Variants in EPB41L4A observed in about 807,000 individuals in gnomAD.
EPB41L4A encodes the protein erythrocyte membrane protein band 4.1 like 4A.
EPB41L4A carries 100 observed loss-of-function variants against 108.6 expected under a neutral mutation model. The ratio of observed to expected loss-of-function variants is 0.92; its 90% CI spans 0.78 to 1.09. The LOEUF is 1.09. Among genes scored for constraint, EPB41L4A ranks in the 50% least tolerant of loss-of-function variants. EPB41L4A has a pLI of 0.00. For synonymous variants in EPB41L4A, 319 were observed against 289.0 expected (o/e 1.10, Z -1.05); for missense variants, 1,030 against 842.7 (o/e 1.22, Z -2.75).
chr5:112,376,626 A>C (rs190100218), intron 1 of EPB41L4A, among the ~76,000 whole-genome samples: 1 of 152,318 alleles, frequency 6.6e-6, no homozygotes, highest in East Asian at 1.9e-4. Flanking sequence ...ATGATAAACA[A>C]CCCACACATC....
At chr5:112,147,137 G>A (rs1451847950) in intron 12 of EPB41L4A, among the ~76,000 whole-genome samples, 1 of 151,054 alleles carries the variant, frequency 6.6e-6, no homozygotes, top group Non-Finnish European at 1.5e-5. Flanking sequence ...TTTTCTACAT[G>A]TAGTAACATC....
chr5:112,403,512 C>G (rs1437659644), intron 1 of EPB41L4A, among the ~76,000 whole-genome samples: 2 of 152,180 alleles, frequency 1.3e-5, no homozygotes, highest in East Asian at 3.8e-4. Flanking sequence ...GGGTCTCACT[C>G]TGTCACCCAG....
chr5:112,210,181 A>C (rs1762667713), intron 12 of EPB41L4A, 199 bp from the exon 13 acceptor site: 2 of 425,800 alleles, frequency 4.7e-6, no homozygotes, highest in Non-Finnish European at 4.1e-6. Flanking sequence ...CCCTCAACAT[A>C]ACAATGTCCT....
At chr5:112,175,722 A>ATGTG (rs61692111) in intron 18 of EPB41L4A, among the ~76,000 whole-genome samples, 1 of 150,920 alleles carries the variant, frequency 6.6e-6, no homozygotes, top group African/African-American at 2.4e-5. Flanking sequence ...ATCTGAAGAT[A>ATGTG]TGTGTGTGTG....
rs1244705671 is a variant in EPB41L4A at position 112,165,101 on chromosome 5, T to C, written c.1950A>G (p.Lys650=). The C allele has an allele frequency of 1.3e-6, 2 of 1,541,060 alleles. No individual in the cohort carries two copies. Among genetic ancestry groups the C allele is most frequent in the Non-Finnish European group, 1.7e-6 (2 of 1,152,172 alleles). ...ATVHQRRNGS[K]DSLMEEKPQT... is the part of the protein sequence containing the mutation. ...GAGGTTTTTCTTCCATCAGGCTATCTTTAGACCCATTTCTTCTCTAAAATA... is the reference window on the plus strand; with the variant it reads ...GAGGTTTTTCTTCCATCAGGCTATCCTTAGACCCATTTCTTCTCTAAAATA... The change falls in exon 23 of 23, where the codon AAA becomes AAG. Residue 650 remains lysine (K), a synonymous_variant. Transcript: ENST00000261486.
chr5:112,411,676 A>G (rs1165718217), intron 1 of EPB41L4A, among the ~76,000 whole-genome samples: 1 of 152,088 alleles, frequency 6.6e-6, no homozygotes, highest in Non-Finnish European at 1.5e-5. Context: ...ATTACAAGGC[A>G]GACAAGGATT....
intron 1 of EPB41L4A, among the ~76,000 whole-genome samples, chr5:112,361,537 AAG>A (rs966824411): frequency 6.3e-5 from 8 of 127,414 alleles, no homozygotes; most frequent in African/African-American, 2.0e-4. Context: ...AAAAAAAAAA[AAG>A]AATAAAAAGA....
At position 112,346,216 on chromosome 5, in the gene EPB41L4A, A is replaced by ATTTTTTTTTTTTTTTTT. The variant is rs561328868; in HGVS notation, c.100-38743_100-38727dup. The stretch of plus-strand genomic sequence containing the variant: ...AATTCTTTAAAGTTAGGTACATTGC[A>ATTTTTTTTTTTTTTTTT]TTTTTTTTTTTTTTTTTTTTTTTTT... On this transcript the variant is annotated intron_variant, in intron 1 of 22. Coordinates refer to ENST00000261486, the MANE Select transcript of EPB41L4A (RefSeq NM_022140.5). 1.5e-3 allele frequency among the ~76,000 whole-genome samples: 100 copies of ATTTTTTTTTTTTTTTTT among 67,342 alleles called. 24 individuals are homozygous for ATTTTTTTTTTTTTTTTT. The highest frequency in any genetic ancestry group is 2.3e-3 in the Non-Finnish European group (73 of 32,332). The allele number at this position is 67,342 out of a possible 152,430, so 44.2% of individuals were successfully genotyped here.
intron 1 of EPB41L4A, among the ~76,000 whole-genome samples, chr5:112,317,178 T>C (rs1264577417): frequency 6.6e-6 from 1 of 152,232 alleles, no homozygotes. Context: ...ATCTTTTTTT[T>C]CTCTCTAAAC....
chr5:112,318,323 G>T (rs1390897143), intron 1 of EPB41L4A, among the ~76,000 whole-genome samples: 1 of 152,196 alleles, frequency 6.6e-6, no homozygotes, highest in Non-Finnish European at 1.5e-5. Flanking sequence ...TTTGGCAACA[G>T]AAATCAGAAT....
rs1032713867 is a variant in EPB41L4A at position 112,208,029 on chromosome 5, C to T, written c.1178+1863G>A. On this transcript the variant is annotated intron_variant, in intron 13 of 22. Transcript: ENST00000261486. ...TTGGGATGCCAAGGCAGGCGGATCC[C>T]GAGGTCAAGAGATGCAGACCATCCT... 3.9e-5 allele frequency among the ~76,000 whole-genome samples: 6 copies of T among 152,126 alleles called. No individual in the cohort carries two copies. The South Asian group carries it at 6.2e-4, about 16-fold the overall frequency.
At chr5:112,339,170 T>C (rs1005533197) in intron 1 of EPB41L4A, among the ~76,000 whole-genome samples, 7 of 152,070 alleles carry the variant, frequency 4.6e-5, no homozygotes, top group African/African-American at 1.4e-4. Flanking sequence ...TGTGGCTGTG[T>C]TCCTTGGCCA....
At chr5:112,331,710 T>C (rs1490610469) in intron 1 of EPB41L4A, among the ~76,000 whole-genome samples, 1 of 152,202 alleles carries the variant, frequency 6.6e-6, no homozygotes, top group Non-Finnish European at 1.5e-5. Context: ...TGCAGGATCT[T>C]CGCAAGTCCA....
chr5:112,407,519 T>G (rs1262286632), intron 1 of EPB41L4A, among the ~76,000 whole-genome samples: 2 of 152,190 alleles, frequency 1.3e-5, no homozygotes, highest in Non-Finnish European at 2.9e-5. Context: ...GCAGCACACA[T>G]TGCACTCTAA....
At chr5:112,393,313 GA>G (rs1489632804) in intron 1 of EPB41L4A, among the ~76,000 whole-genome samples, 9 of 151,964 alleles carry the variant, frequency 5.9e-5, no homozygotes, top group African/African-American at 1.9e-4. Flanking sequence ...CTGGTTTTTT[GA>G]AAAGATCAAC....
chr5:112,145,874 C>G (rs910362599), intron 13 of EPB41L4A: 3 of 455,046 alleles, frequency 6.6e-6, no homozygotes, highest in Non-Finnish European at 4.4e-6. Flanking sequence ...TACATAATTA[C>G]ACTTACATCC....
intron 2 of EPB41L4A, among the ~76,000 whole-genome samples, chr5:112,286,750 A>G (rs1044136816): frequency 3.3e-5 from 5 of 152,108 alleles, no homozygotes; most frequent in African/African-American, 1.2e-4. Flanking sequence ...TTTTGACAGA[A>G]TCATTGTTGG....
At chr5:112,372,461 A>C (rs918188928) in intron 1 of EPB41L4A, among the ~76,000 whole-genome samples, 1 of 152,216 alleles carries the variant, frequency 6.6e-6, no homozygotes, top group Non-Finnish European at 1.5e-5. Context: ...GGAAATAAGC[A>C]AACTGTTACG....
Position 112,334,350 on chromosome 5 carries a change from C to T in EPB41L4A, c.100-26860G>A, listed in dbSNP as rs545655086. 1.2e-4 allele frequency among the ~76,000 whole-genome samples: 19 copies of T among 152,092 alleles called. No homozygotes were observed. The South Asian group carries it at 4.0e-3, about 32-fold the overall frequency. ...GGGAAATTTACATTCTGTGTAGAAT[C>T]TCTTTCCCAAGTGCTTTTCTGATCC... On this transcript the variant is annotated intron_variant, in intron 1 of 22. Transcript: ENST00000261486.
Sources: gnomAD v4.1 joint callset for allele counts (sites outside exome capture counted in the v4.1 genomes callset) on GRCh38, gnomAD v4.1.1 for gene constraint, MANE v1.5 for transcripts, NCBI Gene and HGNC (gene_info 2026-07-23, HGNC 2026-07-21) for gene names.